Variants in TBC1D5 observed in about 807,000 individuals in gnomAD.
TBC1D5 encodes the protein TBC1 domain family, member 5.
In TBC1D5, 75 loss-of-function variants were observed where a neutral mutation model predicts 100.3. That is an observed-to-expected ratio of 0.75 (90% CI 0.62 to 0.91). The LOEUF (loss-of-function observed/expected upper bound fraction) is 0.91, where lower values mean the gene tolerates loss of function less well. Ranked by LOEUF, TBC1D5 falls within the 40% of genes least tolerant of loss-of-function variation. TBC1D5 has a pLI of 0.00. For missense variants in TBC1D5, 910 were observed against 942.4 expected (o/e 0.97, Z 0.45); for synonymous variants, 323 against 325.6 (o/e 0.99, Z 0.09).
chr3:17,322,255 C>A (rs1265588828), intron 13 of TBC1D5, among the ~76,000 whole-genome samples: 1 of 152,180 alleles, frequency 6.6e-6, no homozygotes. Context: ...GCTTTTCCTG[C>A]TATGCCTCTG....
intron 18 of TBC1D5, among the ~76,000 whole-genome samples, chr3:17,208,581 C>T (rs761989767): frequency 6.6e-6 from 1 of 152,244 alleles, no homozygotes; most frequent in Non-Finnish European, 1.5e-5. Flanking sequence ...TTTCTGCCTA[C>T]TTCCTTCCCC....
At chr3:17,249,427 T>C (rs777420828) in intron 16 of TBC1D5, among the ~76,000 whole-genome samples, 1 of 152,232 alleles carries the variant, frequency 6.6e-6, no homozygotes, top group Non-Finnish European at 1.5e-5. Flanking sequence ...GGTTTGAATA[T>C]GTTTTCCCTC....
intron 17 of TBC1D5, among the ~76,000 whole-genome samples, chr3:17,222,127 T>C (rs1365446509): frequency 6.6e-6 from 1 of 152,230 alleles, no homozygotes; most frequent in Non-Finnish European, 1.5e-5. Context: ...TTTTCTTTTA[T>C]CTTTATTCAT....
At chr3:17,509,993 A>G (rs970099143) in intron 2 of TBC1D5, among the ~76,000 whole-genome samples, 2 of 152,050 alleles carry the variant, frequency 1.3e-5, no homozygotes, top group African/African-American at 4.8e-5. Context: ...TTCTCAAATC[A>G]TAACTCTTTC....
At chr3:17,167,156 T>C (rs764498356) in intron 20 of TBC1D5, among the ~76,000 whole-genome samples, 2 of 152,156 alleles carry the variant, frequency 1.3e-5, no homozygotes, top group African/African-American at 4.8e-5. Context: ...ATAGCCAGGT[T>C]CTCACAGGGT....
At chr3:17,520,076 G>A (rs776822558) in intron 2 of TBC1D5, among the ~76,000 whole-genome samples, 4 of 152,104 alleles carry the variant, frequency 2.6e-5, no homozygotes, top group East Asian at 1.9e-4. Flanking sequence ...CTCAAATCAC[G>A]TAACAAACTA....
chr3:17,380,039 C>CTGTGTGTG lies in TBC1D5; in HGVS notation c.613-3427_613-3426insCACACACA, dbSNP rs1442340088. Among the ~76,000 whole-genome samples, 278 of 100,122 alleles carry CTGTGTGTG rather than the reference C, an allele frequency of 2.8e-3. 7 individuals are homozygous for CTGTGTGTG. Among genetic ancestry groups the CTGTGTGTG allele is most frequent in the Non-Finnish European group, 3.5e-3 (160 of 45,498 alleles). 65.7% of individuals were successfully genotyped at this position (100,122 alleles called of 152,430 possible). A position where few individuals can be genotyped will look rare whatever the true frequency, so the allele number is the denominator to read the frequency against. On this transcript the variant is annotated intron_variant, in intron 9 of 21. Transcript: ENST00000253692. ...AAGAATGGACACTGTACAGCTGTGA[C>CTGTGTGTG]TGTGTATGTGTGTGTGTGTGTGTGT...
upstream of TBC1D5, among the ~76,000 whole-genome samples, chr3:17,741,927 G>T (rs2154011768): frequency 6.7e-6 from 1 of 148,968 alleles, no homozygotes; most frequent in South Asian, 2.1e-4. Context: ...GTGAAGTCAA[G>T]GCTTCTCTCT....
intron 1 of TBC1D5, among the ~76,000 whole-genome samples, chr3:17,696,873 G>A (rs140201837): frequency 0.011 from 1,676 of 152,174 alleles, 30 homozygotes; most frequent in African/African-American, 0.034. Flanking sequence ...CTGGCAAACC[G>A]AATCCAGCAT....
At chr3:17,548,186 G>A (rs762848420) in intron 2 of TBC1D5, among the ~76,000 whole-genome samples, 2 of 152,014 alleles carry the variant, frequency 1.3e-5, no homozygotes, top group Admixed American at 6.6e-5. Flanking sequence ...ATGGTGGCAC[G>A]TGCCTGTAGT....
At chr3:17,549,724 A>G (rs1378640052) in intron 2 of TBC1D5, among the ~76,000 whole-genome samples, 1 of 152,138 alleles carries the variant, frequency 6.6e-6, no homozygotes, top group Non-Finnish European at 1.5e-5. Context: ...TGAGGTCAGG[A>G]GTTCAAGACC....
At chr3:17,591,903 C>T (rs2060251298) in intron 2 of TBC1D5, among the ~76,000 whole-genome samples, 1 of 152,248 alleles carries the variant, frequency 6.6e-6, no homozygotes, top group African/African-American at 2.4e-5. Flanking sequence ...ATTCCCACTA[C>T]ATCCCCATTC....
chr3:17,404,626 G>C (rs576325069), intron 7 of TBC1D5, 68 bp downstream of exon 7: 1 of 1,405,600 alleles, frequency 7.1e-7, no homozygotes, highest in African/African-American at 1.5e-5. Context: ...ATGGTGACTG[G>C]CAACCAGTCA....
intron 3 of TBC1D5, among the ~76,000 whole-genome samples, chr3:17,475,174 G>GC (rs146719921): frequency 0.07 from 10,579 of 150,112 alleles, 707 homozygotes; most frequent in African/African-American, 0.18. Flanking sequence ...GTTCTACCTT[G>GC]CCCCGCCCCA....
intron 16 of TBC1D5, among the ~76,000 whole-genome samples, chr3:17,254,873 A>G (rs1370665310): frequency 1.3e-5 from 2 of 152,096 alleles, no homozygotes; most frequent in Admixed American, 1.3e-4. Flanking sequence ...GTTGGAGTCA[A>G]AGAGAAACAA....
intron 16 of TBC1D5, among the ~76,000 whole-genome samples, chr3:17,251,425 A>AACCC (rs2077162770): frequency 1.8e-5 from 2 of 111,188 alleles, no homozygotes; most frequent in Non-Finnish European, 1.9e-5. Context: ...ACTCACGGGA[A>AACCC]CCCCCCCCCC....
intron 2 of TBC1D5, among the ~76,000 whole-genome samples, chr3:17,614,337 T>C (rs899367830): frequency 1.3e-5 from 2 of 152,254 alleles, no homozygotes; most frequent in African/African-American, 2.4e-5. Context: ...TCCAGCTTTG[T>C]TCTCTTCGCT....
chr3:17,638,558 C>T (rs893487963), intron 1 of TBC1D5, among the ~76,000 whole-genome samples: 2 of 152,096 alleles, frequency 1.3e-5, no homozygotes, highest in African/African-American at 4.8e-5. Context: ...CAGACTGTCT[C>T]AGCAGTAATA....
chr3:17,367,519 T>C (rs191773830), intron 13 of TBC1D5, among the ~76,000 whole-genome samples: 38 of 152,260 alleles, frequency 2.5e-4, no homozygotes, highest in Non-Finnish European at 3.7e-4. Flanking sequence ...ACCTAATTTT[T>C]TTAAGTGCAA....
Sources: gnomAD v4.1 joint callset for allele counts (sites outside exome capture counted in the v4.1 genomes callset) on GRCh38, gnomAD v4.1.1 for gene constraint, MANE v1.5 for transcripts, NCBI Gene and HGNC (gene_info 2026-07-23, HGNC 2026-07-21) for gene names.